The following PER2 variants were observed in gnomAD, a reference collection of about 807,000 sequenced individuals.
PER2 encodes the protein period circadian regulator 2.
Under a neutral mutation model 121.0 loss-of-function variants are expected in PER2, and 66 were observed. That is an observed-to-expected ratio of 0.55 (90% CI 0.45 to 0.67). PER2 has a LOEUF of 0.67. PER2 is among the 30% of genes least tolerant of loss of function. PER2 has a pLI of 0.00. For missense variants in PER2, 1,521 were observed against 1,635.0 expected (o/e 0.93, Z 1.20); for synonymous variants, 684 against 659.9 (o/e 1.04, Z -0.56).
the PER2 span, chr2:238,295,253 C>CCTTCTCCTTCTTTCTTCTT: frequency 6.6e-6 from 1 of 151,482 alleles, no homozygotes; most frequent in South Asian, 2.1e-4. Flanking sequence ...TTCTTCTTCT[C>CCTTCTCCTTCTTTCTTCTT]CTTCTCCTTC....
Position 238,245,333 on chromosome 2 carries a change from T to C in PER2, c.*1042A>G, listed in dbSNP as rs1484730413. On this transcript the variant is annotated 3_prime_UTR_variant, in exon 23 of 23. Transcript: ENST00000254657. ...AGAGAGGTCGGGCTCATGAAAAGAA[T>C]GAGGGCTGTGCACCCAACCCAGGGT... 1.1e-5 allele frequency: 4 copies of C among 373,590 alleles called. No homozygotes were observed. The highest frequency in any genetic ancestry group is 9.2e-5 in the Admixed American group (2 of 21,786). The allele number at this position is 373,590 out of a possible 1,614,324, so 23.1% of individuals were successfully genotyped here.
intron 5 of PER2, among the ~76,000 whole-genome samples, chr2:238,272,699 C>G (rs1178265180): frequency 6.6e-6 from 1 of 152,170 alleles, no homozygotes; most frequent in Non-Finnish European, 1.5e-5. Context: ...GTCTCAAATC[C>G]CAGCTCCCCC....
chr2:238,259,489 G>C (rs1164353223), intron 14 of PER2, among the ~76,000 whole-genome samples: 7 of 152,348 alleles, frequency 4.6e-5, no homozygotes, highest in African/African-American at 1.7e-4. Context: ...CCCCTGGGTG[G>C]TACTCCCCAC....
intron 2 of PER2, among the ~76,000 whole-genome samples, chr2:238,277,487 T>C (rs184494596): frequency 1.5e-3 from 233 of 152,290 alleles, no homozygotes; most frequent in African/African-American, 5.1e-3. Context: ...AAGATCTCCT[T>C]ACACTACCCA....
intron 1 of PER2, among the ~76,000 whole-genome samples, chr2:238,278,435 A>G (rs1294256124): frequency 6.6e-6 from 1 of 152,148 alleles, no homozygotes; most frequent in East Asian, 1.9e-4. Context: ...GTTCTTATTG[A>G]CAAGAGCTCC....
At chr2:238,288,684 G>C (rs1696870422), upstream of PER2, 1 of 150,724 alleles carries the variant, frequency 6.6e-6, no homozygotes, top group Non-Finnish European at 1.5e-5. Flanking sequence ...CGGTCCCTCC[G>C]CCGACTCGCG....
chr2:238,287,305 T>TA (rs1476877600), intron 1 of PER2, among the ~76,000 whole-genome samples: 1 of 152,248 alleles, frequency 6.6e-6, no homozygotes, highest in African/African-American at 2.4e-5. Flanking sequence ...TATAGTCATA[T>TA]AGCACACAAA....
chr2:238,256,492 A>C (rs1169500844), intron 17 of PER2, among the ~76,000 whole-genome samples: 2 of 152,228 alleles, frequency 1.3e-5, no homozygotes, highest in African/African-American at 2.4e-5. Context: ...CGCTCATTGT[A>C]AATCTGTTTA....
intron 9 of PER2, among the ~76,000 whole-genome samples, chr2:238,264,594 C>T (rs1170147585): frequency 3.3e-5 from 5 of 152,214 alleles, no homozygotes; most frequent in East Asian, 1.9e-4. Flanking sequence ...GGTCACTTTT[C>T]GGTGACTACT....
chr2:238,259,309 G>A (rs931214559), intron 14 of PER2, among the ~76,000 whole-genome samples: 1 of 152,252 alleles, frequency 6.6e-6, no homozygotes, highest in African/African-American at 2.4e-5. Flanking sequence ...AGGGGGAGGG[G>A]ACTGGGATGC....
chr2:238,267,064 A>AG (rs1696135558), intron 8 of PER2, among the ~76,000 whole-genome samples: 1 of 151,638 alleles, frequency 6.6e-6, no homozygotes, highest in East Asian at 1.9e-4. Flanking sequence ...AAAAAAAAAA[A>AG]AAAAAAAGCT....
At position 238,271,407 on chromosome 2, in the gene PER2, T is replaced by G. The variant is rs1235378317; in HGVS notation, c.677A>C (p.Lys226Thr). 2 of 1,614,008 alleles carry G rather than the reference T, an allele frequency of 1.2e-6. No individual in the cohort carries two copies. The highest frequency in any genetic ancestry group is 2.7e-5 in the African/African-American group (2 of 74,938). Residue 226 changes from lysine (K) to threonine (T), a missense_variant, in exon 6 of 23, where the codon AAG (lysine) becomes ACG (threonine). Coordinates refer to ENST00000254657, the MANE Select transcript of PER2 (RefSeq NM_022817.3). ...HCKRDAFSDA[K>T]FVEFLAPHDV... The stretch of plus-strand genomic sequence containing the variant: ...GTGAGGCGCCAGGAACTCCACAAAC[T>G]TGGCATCGCTGAAGGCATCTCTTTT...
intron 14 of PER2, 40 bp from the exon 15 acceptor site, chr2:238,258,684 C>T: frequency 1.2e-6 from 2 of 1,604,398 alleles, no homozygotes; most frequent in Non-Finnish European, 1.7e-6. Flanking sequence ...TCATTTTTCT[C>T]CCACAGAAAA....
Position 238,271,356 on chromosome 2 carries a change from G to A in PER2, c.728C>T (p.Thr243Ile), listed in dbSNP as rs1696278457. 2 of 1,614,192 alleles carry A rather than the reference G, an allele frequency of 1.2e-6. No individual in the cohort carries two copies. The highest frequency in any genetic ancestry group is 1.7e-6 in the Non-Finnish European group (2 of 1,180,030). The change falls in exon 6 of 23, where the codon ACC becomes ATC. Residue 243 changes from threonine (T) to isoleucine (I), a missense_variant. Coordinates refer to ENST00000254657, the MANE Select transcript of PER2 (RefSeq NM_022817.3). ...CCACAAGGGAAGCTTGTACGGGGAG[G>A]TGAAACTGTGGAACACGCCCACATC... ...PHDVGVFHSF[T>I]SPYKLPLWSM...
rs1360856409 is a variant in PER2, at chr2:238,250,759, A to T, written c.3275-16T>A. On this transcript the variant is annotated splice_polypyrimidine_tract_variant and intron_variant, in intron 20 of 22. Coordinates refer to ENST00000254657, the MANE Select transcript of PER2 (RefSeq NM_022817.3). ...TCACTACTGCCTTTAAAAACAAAAA[A>T]CGTGGTGCGTCAAAACATTGACATA... 1 of 1,577,878 alleles carries T rather than the reference A, an allele frequency of 6.3e-7. No individual in the cohort carries two copies. The highest frequency in any genetic ancestry group is 1.7e-5 in the Admixed American group (1 of 59,960).
intron 9 of PER2, 80 bp downstream of exon 9, chr2:238,265,432 A>T: frequency 1.2e-6 from 1 of 845,056 alleles, no homozygotes; most frequent in South Asian, 1.4e-5. Context: ...GTAATTATAA[A>T]ACCAAGATGC....
chr2:238,250,784 A>G, intron 20 of PER2, 41 bp from the exon 21 acceptor site: 1 of 1,397,850 alleles, frequency 7.2e-7, no homozygotes, highest in Non-Finnish European at 1.0e-6. Context: ...ACATTGACAT[A>G]TGAAATTAAA....
rs1168157440 is a variant in PER2 at position 238,258,431 on chromosome 2, C to G, written c.1776-31G>C. The G allele has an allele frequency of 1.9e-6, 3 of 1,613,994 alleles. No homozygotes were observed. The African/African-American group carries it at 4.0e-5, about 22-fold the overall frequency. Reference sequence around the variant, plus strand: ...TGAAAGGCATGAACCACTGGTGAGGCCACACAACATGAGAGGAGGGAAGGT... The same window carrying G: ...TGAAAGGCATGAACCACTGGTGAGGGCACACAACATGAGAGGAGGGAAGGT... On this transcript the variant is annotated intron_variant, in intron 15 of 22. Transcript: ENST00000254657.
intron 6 of PER2, among the ~76,000 whole-genome samples, chr2:238,270,175 G>C (rs1454774765): frequency 6.6e-6 from 1 of 152,254 alleles, no homozygotes; most frequent in Non-Finnish European, 1.5e-5. Context: ...CCTGGCCACA[G>C]TGAAACAGAA....
Sources: allele counts gnomAD v4.1 joint callset (sites outside exome capture counted in the v4.1 genomes callset), GRCh38; gene constraint gnomAD v4.1.1; transcripts MANE v1.5; gene names NCBI Gene and HGNC (gene_info 2026-07-23, HGNC 2026-07-21).